RASSF3: variants seen among roughly 807,000 people sequenced by gnomAD.
RASSF3 encodes the protein ras association domain-containing protein 3.
In RASSF3, 19 loss-of-function variants were observed where a neutral mutation model predicts 19.9. The ratio of observed to expected loss-of-function variants is 0.96; its 90% CI spans 0.67 to 1.40. The LOEUF (loss-of-function observed/expected upper bound fraction) is 1.40, where lower values mean the gene tolerates loss of function less well. RASSF3 is among the 40% of genes most tolerant of loss of function. The pLI is 0.00. For missense variants in RASSF3, 306 were observed against 289.8 expected (o/e 1.06, Z -0.41); for synonymous variants, 110 against 104.2 (o/e 1.06, Z -0.34).
intron 1 of RASSF3, among the ~76,000 whole-genome samples, chr12:64,666,195 T>C (rs1251272690): frequency 1.3e-5 from 2 of 152,254 alleles, no homozygotes; most frequent in African/African-American, 4.8e-5. Context: ...GTAACAGCTG[T>C]AGTCAACTTT....
At chr12:64,523,559 C>T (rs1451314517) in intron 1 of RASSF3, among the ~76,000 whole-genome samples, 1 of 152,156 alleles carries the variant, frequency 6.6e-6, no homozygotes, top group African/African-American at 2.4e-5. Context: ...AGACCAGCTC[C>T]CGAATTTGCA....
At chr12:64,507,123 T>C (rs1382070655) in exon 1 of RASSF3, 2 of 398,516 alleles carry the variant, frequency 5.0e-6, no homozygotes, top group African/African-American at 2.1e-5. Flanking sequence ...AGTTCACAGC[T>C]AAAGTGTCAT....
chr12:64,661,784 C>T (rs1872373675), intron 1 of RASSF3, among the ~76,000 whole-genome samples: 1 of 140,644 alleles, frequency 7.1e-6, no homozygotes, highest in African/African-American at 2.6e-5. Context: ...TGGGTTCAAA[C>T]AATTTTCCTG....
At chr12:64,547,506 G>A (rs1371490955) in intron 2 of RASSF3, among the ~76,000 whole-genome samples, 1 of 152,148 alleles carries the variant, frequency 6.6e-6, no homozygotes, top group Non-Finnish European at 1.5e-5. Context: ...GGCGGAGGTT[G>A]CAGTGAGCGG....
At position 64,623,721 on chromosome 12, in the gene RASSF3, C is replaced by CA. The variant is rs60649666; in HGVS notation, c.111+12979dup. On this transcript the variant is annotated intron_variant, in intron 1 of 4. Coordinates refer to ENST00000542104, the MANE Select transcript of RASSF3 (RefSeq NM_178169.4). ...GCAGTGGCACGATCTCGGCTCACTG[C>CA]AGCTTCTGCTTCCCAGGTTCAAGAA... is the stretch of plus-strand genomic sequence containing the variant. Among the ~76,000 whole-genome samples, 302 of 151,540 alleles carry CA rather than the reference C, an allele frequency of 2.0e-3. 1 individual carries two copies. Among genetic ancestry groups the CA allele is most frequent in the African/African-American group, 7.1e-3 (290 of 40,824 alleles).
intron 1 of RASSF3, among the ~76,000 whole-genome samples, chr12:64,677,481 C>T (rs1872950906): frequency 6.6e-6 from 1 of 152,082 alleles, no homozygotes; most frequent in African/African-American, 2.4e-5. Flanking sequence ...TGCTGTGTTG[C>T]CCAGGCTGGC....
At chr12:64,597,143 T>A (rs769427206) in intron 2 of RASSF3, among the ~76,000 whole-genome samples, 235 of 152,076 alleles carry the variant, frequency 1.5e-3, no homozygotes, top group Non-Finnish European at 2.5e-3. Flanking sequence ...TTTTTTAATT[T>A]TTTTCCTGAG....
intron 2 of RASSF3, among the ~76,000 whole-genome samples, chr12:64,577,415 G>A (rs573441358): frequency 3.9e-5 from 6 of 152,298 alleles, no homozygotes; most frequent in Admixed American, 2.0e-4. Context: ...TTGAGAAATC[G>A]GTGTTGTCTG....
intron 1 of RASSF3, among the ~76,000 whole-genome samples, chr12:64,652,745 T>G (rs1006196644): frequency 6.6e-6 from 1 of 152,256 alleles, no homozygotes; most frequent in Non-Finnish European, 1.5e-5. Flanking sequence ...AATCACACTC[T>G]TATTATTTTC....
intron 1 of RASSF3, among the ~76,000 whole-genome samples, chr12:64,625,614 C>G (rs1454945534): frequency 6.6e-6 from 1 of 152,112 alleles, no homozygotes; most frequent in East Asian, 1.9e-4. Flanking sequence ...GGAACTTAGT[C>G]ACTGTCGTCT....
downstream of RASSF3, among the ~76,000 whole-genome samples, chr12:64,545,419 C>G (rs1869036643): frequency 6.6e-6 from 1 of 152,070 alleles, no homozygotes; most frequent in African/African-American, 2.4e-5. Flanking sequence ...TGATGTGGCT[C>G]TAAAAATTTT....
upstream of RASSF3, among the ~76,000 whole-genome samples, chr12:64,606,908 T>C (rs1870203380): frequency 6.6e-6 from 1 of 152,210 alleles, no homozygotes; most frequent in Non-Finnish European, 1.5e-5. Flanking sequence ...AAGTGTCTAG[T>C]TGCTTAACAT....
At chr12:64,523,352 G>A (rs772495017) in intron 1 of RASSF3, among the ~76,000 whole-genome samples, 3 of 152,096 alleles carry the variant, frequency 2.0e-5, no homozygotes, top group Non-Finnish European at 4.4e-5. Context: ...GTTGCAGTGA[G>A]CCAAGATCAC....
intron 1 of RASSF3, among the ~76,000 whole-genome samples, chr12:64,676,075 C>T (rs938415938): frequency 2.5e-4 from 38 of 151,964 alleles, no homozygotes; most frequent in African/African-American, 9.2e-4. Context: ...GAGAACACTG[C>T]AGCAAGCAGC....
intron 2 of RASSF3, among the ~76,000 whole-genome samples, chr12:64,581,457 C>T (rs191375714): frequency 1.3e-5 from 2 of 152,234 alleles, no homozygotes; most frequent in South Asian, 2.1e-4. Flanking sequence ...AGCCTGTAAG[C>T]CCAGCCCTTT....
At chr12:64,694,668 G>T in intron 4 of RASSF3, 95 bp from the exon 5 acceptor site, 1 of 1,378,372 alleles carries the variant, frequency 7.3e-7, no homozygotes, top group Non-Finnish European at 1.0e-6. Flanking sequence ...GCTGGGAGGG[G>T]AGGGCAGCCG....
chr12:64,534,133 C>T (rs764403583), intron 1 of RASSF3, among the ~76,000 whole-genome samples: 21 of 151,868 alleles, frequency 1.4e-4, no homozygotes, highest in Non-Finnish European at 2.9e-5. Context: ...TGGTGGTGGG[C>T]ACCTGTAGTC....
At chr12:64,569,492 A>C (rs1243396640) in intron 2 of RASSF3, among the ~76,000 whole-genome samples, 1 of 152,192 alleles carries the variant, frequency 6.6e-6, no homozygotes, top group Non-Finnish European at 1.5e-5. Flanking sequence ...CGTTGCCATG[A>C]GTTACAACCA....
At chr12:64,587,051 C>CT (rs747066386) in intron 2 of RASSF3, among the ~76,000 whole-genome samples, 3,589 of 134,096 alleles carry the variant, frequency 0.027, 180 homozygotes, top group African/African-American at 0.048. Flanking sequence ...CCTCGCCTCA[C>CT]TTTTTTTTTT....
Sources: allele counts gnomAD v4.1 joint callset (sites outside exome capture counted in the v4.1 genomes callset), GRCh38; gene constraint gnomAD v4.1.1; transcripts MANE v1.5; gene names NCBI Gene and HGNC (gene_info 2026-07-23, HGNC 2026-07-21).